XYLT1: variants seen among roughly 807,000 people sequenced by gnomAD.
XYLT1 encodes xylosyltransferase 1, also known as beta-D-xylosyltransferase 1.
XYLT1 carries 36 observed loss-of-function variants against 91.3 expected under a neutral mutation model. The ratio of observed to expected loss-of-function variants is 0.39; its 90% CI spans 0.30 to 0.52. XYLT1 has a LOEUF of 0.52. Ranked by LOEUF, XYLT1 falls within the 20% of genes least tolerant of loss-of-function variation. The pLI is 0.68. For missense variants in XYLT1, 1,242 were observed against 1,284.5 expected, an observed-to-expected ratio of 0.97 and a Z score of 0.51; for synonymous variants, 588 against 532.0, an observed-to-expected ratio of 1.11 and a Z score of -1.45.
Position 17,392,180 on chromosome 16 carries a change from A to T in XYLT1, c.364-34130T>A, listed in dbSNP as rs374419062. 8.5e-5 allele frequency among the ~76,000 whole-genome samples: 13 copies of T among 152,272 alleles called. No individual in the cohort carries two copies. The East Asian group carries it at 1.7e-3, about 20-fold the overall frequency. On this transcript the variant is annotated intron_variant, in intron 1 of 11. Transcript: ENST00000261381. Reference sequence around the variant, plus strand: ...CTCCTTGATCATAAAGCCCTATAGGATCTTACCCCTGCCTGTTCCTCAAGC... The same window carrying T: ...CTCCTTGATCATAAAGCCCTATAGGTTCTTACCCCTGCCTGTTCCTCAAGC...
intron 1 of XYLT1, among the ~76,000 whole-genome samples, chr16:17,401,492 T>C (rs1172198621): frequency 6.6e-6 from 1 of 152,210 alleles, no homozygotes; most frequent in Non-Finnish European, 1.5e-5. Context: ...GTTCTGCAAC[T>C]GAGTTTTTTG....
chr16:17,344,767 C>T (rs1452415974), intron 2 of XYLT1, among the ~76,000 whole-genome samples: 1 of 151,400 alleles, frequency 6.6e-6, no homozygotes, highest in Non-Finnish European at 1.5e-5. Flanking sequence ...GTGTGGTGAT[C>T]TTGGCTCACT....
At chr16:17,109,130 T>A in intron 11 of XYLT1, 113 bp from the exon 12 acceptor site, 1 of 1,076,982 alleles carries the variant, frequency 9.3e-7, no homozygotes, top group Non-Finnish European at 1.3e-6. Context: ...CTCATTTAAT[T>A]CACATGACAA....
chr16:17,129,423 G>A (rs1322760371), intron 9 of XYLT1, among the ~76,000 whole-genome samples: 10 of 152,040 alleles, frequency 6.6e-5, no homozygotes, highest in Admixed American at 3.9e-4. Flanking sequence ...CACCATGCCC[G>A]GCTAATTTTT....
chr16:17,125,469 C>T (rs775665075), intron 10 of XYLT1, among the ~76,000 whole-genome samples: 85 of 152,244 alleles, frequency 5.6e-4, no homozygotes, highest in South Asian at 1.0e-3. Context: ...ACTTGCTGCA[C>T]CCAGTACATT....
chr16:17,461,672 G>GGA (rs2036824955), intron 1 of XYLT1, among the ~76,000 whole-genome samples: 4 of 152,120 alleles, frequency 2.6e-5, no homozygotes, highest in African/African-American at 9.7e-5. Context: ...GGATGGATGG[G>GGA]TGGACAAATG....
intron 1 of XYLT1, among the ~76,000 whole-genome samples, chr16:17,412,234 A>C (rs551805511): frequency 1.1e-4 from 16 of 152,132 alleles, no homozygotes; most frequent in Non-Finnish European, 1.6e-4. Context: ...TCTCACAGCC[A>C]CCGTGCAGCC....
At position 17,300,452 on chromosome 16, in the gene XYLT1, C is replaced by CTTTTTTTTTTTTTTTTTTTTT. The variant is rs67480834; in HGVS notation, c.403-40975_403-40955dup. On this transcript the variant is annotated intron_variant, in intron 2 of 11. Transcript: ENST00000261381. ...CAGCTATTTCTTTCTTTCATTCTTT[C>CTTTTTTTTTTTTTTTTTTTTT]TTTTTTTTTTTTTTTTTTTTTTGAG... Among the ~76,000 whole-genome samples the CTTTTTTTTTTTTTTTTTTTTT allele has an allele frequency of 4.3e-4, 28 of 64,838 alleles. 6 individuals are homozygous for CTTTTTTTTTTTTTTTTTTTTT. The highest frequency in any genetic ancestry group is 1.6e-3 in the African/African-American group (25 of 16,064). The allele number at this position is 64,838 out of a possible 152,430, so 42.5% of individuals were successfully genotyped here.
At chr16:17,147,114 G>A (rs777662466) in intron 6 of XYLT1, among the ~76,000 whole-genome samples, 25 of 152,178 alleles carry the variant, frequency 1.6e-4, no homozygotes, top group Non-Finnish European at 3.5e-4. Context: ...TCATGTTCTT[G>A]CTGGGAAGGA....
chr16:17,272,250 C>T (rs1271926071), intron 2 of XYLT1, among the ~76,000 whole-genome samples: 1 of 149,210 alleles, frequency 6.7e-6, no homozygotes, highest in African/African-American at 2.5e-5. Context: ...CAACCTCGGC[C>T]TCCAAGGTTC....
chr16:17,293,929 G>A (rs1327747921), intron 2 of XYLT1, among the ~76,000 whole-genome samples: 13 of 152,314 alleles, frequency 8.5e-5, no homozygotes, highest in Admixed American at 2.6e-4. Flanking sequence ...GACAGGAGGG[G>A]TTCATGCTCT....
intron 2 of XYLT1, among the ~76,000 whole-genome samples, chr16:17,329,371 T>C (rs1330300921): frequency 1.3e-5 from 2 of 152,248 alleles, no homozygotes; most frequent in African/African-American, 4.8e-5. Flanking sequence ...CATTGCTGCG[T>C]AACTGTAAAC....
chr16:17,295,449 A>G (rs1006764729), intron 2 of XYLT1, among the ~76,000 whole-genome samples: 1 of 152,024 alleles, frequency 6.6e-6, no homozygotes, highest in Non-Finnish European at 1.5e-5. Context: ...TCCATCTCCC[A>G]GGTTCAAGCA....
chr16:17,128,509 G>GTC (rs912365178), intron 9 of XYLT1, among the ~76,000 whole-genome samples: 12 of 151,962 alleles, frequency 7.9e-5, no homozygotes, highest in East Asian at 1.9e-4. Context: ...CCTTTCATTC[G>GTC]TCTCTCTCTC....
chr16:17,223,591 GA>G (rs2033011698), intron 3 of XYLT1, among the ~76,000 whole-genome samples: 1 of 152,234 alleles, frequency 6.6e-6, no homozygotes, highest in Non-Finnish European at 1.5e-5. Context: ...AGAGCACGGT[GA>G]CCTTGGATGC....
intron 1 of XYLT1, among the ~76,000 whole-genome samples, chr16:17,402,427 A>T (rs2035981910): frequency 6.6e-6 from 1 of 152,248 alleles, no homozygotes; most frequent in South Asian, 2.1e-4. Flanking sequence ...GAAACTGAAG[A>T]TGTGAAAATT....
chr16:17,163,665 C>A (rs942845194), intron 5 of XYLT1, among the ~76,000 whole-genome samples: 5 of 152,144 alleles, frequency 3.3e-5, no homozygotes, highest in African/African-American at 1.2e-4. Flanking sequence ...GGATTTCAAA[C>A]CTCTGATGCT....
chr16:17,252,593 G>A (rs2033558803), intron 3 of XYLT1, among the ~76,000 whole-genome samples: 1 of 152,176 alleles, frequency 6.6e-6, no homozygotes, highest in African/African-American at 2.4e-5. Flanking sequence ...GGATGGAGCT[G>A]GGGCTTCCTT....
Position 17,400,619 on chromosome 16 carries a change from GGGA to G in XYLT1, c.364-42572_364-42570del, listed in dbSNP as rs1307367034. ...AAAAAGAAAGAGAGGGAGGGAGGGAGGGAGGAAGGGAGGAAGGAAGGAAGGAAG... is the reference window on the plus strand; with the variant it reads ...AAAAAGAAAGAGAGGGAGGGAGGGAGGGAAGGGAGGAAGGAAGGAAGGAAG... On this transcript the variant is annotated intron_variant, in intron 1 of 11. Coordinates refer to ENST00000261381, the MANE Select transcript of XYLT1 (RefSeq NM_022166.4). 3.5e-3 allele frequency among the ~76,000 whole-genome samples: 458 copies of G among 129,602 alleles called. 4 individuals carry two copies. The highest frequency in any genetic ancestry group is 0.013 in the African/African-American group (415 of 32,066). 85.0% of individuals were successfully genotyped at this position (129,602 alleles called of 152,430 possible).
Sources: gnomAD v4.1 joint callset for allele counts (sites outside exome capture counted in the v4.1 genomes callset) on GRCh38, gnomAD v4.1.1 for gene constraint, MANE v1.5 for transcripts, NCBI Gene and HGNC (gene_info 2026-07-23, HGNC 2026-07-21) for gene names.